The following PACSIN2 variants were observed in gnomAD, a reference collection of about 807,000 sequenced individuals.
The protein encoded by PACSIN2 is protein kinase C and casein kinase substrate in neurons 2.
A neutral mutation model predicts 63.8 loss-of-function variants in PACSIN2; 25 were observed. The ratio of observed to expected loss-of-function variants is 0.39; its 90% CI spans 0.29 to 0.55. PACSIN2 has a LOEUF of 0.55. PACSIN2 is among the 20% of genes least tolerant of loss of function. The pLI is 0.62. For missense variants in PACSIN2, 518 were observed against 646.9 expected, an observed-to-expected ratio of 0.80 and a Z score of 2.16; for synonymous variants, 255 against 256.2, an observed-to-expected ratio of 1.00 and a Z score of 0.05.
At chr22:42,945,386 G>T (rs1046262206) in intron 1 of PACSIN2, among the ~76,000 whole-genome samples, 2 of 151,982 alleles carry the variant, frequency 1.3e-5, no homozygotes, top group Non-Finnish European at 2.9e-5. Flanking sequence ...TCTCTCTTAC[G>T]TCTTCTGTGC....
At chr22:42,998,239 C>A (rs1182629885) in intron 1 of PACSIN2, among the ~76,000 whole-genome samples, 2 of 152,210 alleles carry the variant, frequency 1.3e-5, no homozygotes, top group African/African-American at 4.8e-5. Flanking sequence ...GGGGACCCAG[C>A]AAAATTCCTT....
chr22:42,994,415 C>A (rs573585809), intron 1 of PACSIN2, among the ~76,000 whole-genome samples: 2 of 152,210 alleles, frequency 1.3e-5, no homozygotes, highest in African/African-American at 4.8e-5. Flanking sequence ...CCGTGTCCTG[C>A]GCCACAAAGA....
At chr22:43,011,737 C>A (rs1418566088) in intron 1 of PACSIN2, among the ~76,000 whole-genome samples, 1 of 152,186 alleles carries the variant, frequency 6.6e-6, no homozygotes. Context: ...ACTAACCAGG[C>A]AAGGTGGCAG....
At chr22:42,876,552 C>G (rs1056099584) in intron 9 of PACSIN2, among the ~76,000 whole-genome samples, 1 of 152,248 alleles carries the variant, frequency 6.6e-6, no homozygotes, top group African/African-American at 2.4e-5. Context: ...GAGATGCCCA[C>G]AGCAGAGGCC....
intron 1 of PACSIN2, among the ~76,000 whole-genome samples, chr22:43,007,520 C>T (rs547783324): frequency 1.3e-5 from 2 of 152,308 alleles, no homozygotes; most frequent in East Asian, 3.9e-4. Flanking sequence ...CCAGCCACTC[C>T]TTGTTCTTCA....
intron 1 of PACSIN2, among the ~76,000 whole-genome samples, chr22:42,972,810 C>G (rs1393630285): frequency 6.6e-6 from 1 of 152,170 alleles, no homozygotes; most frequent in East Asian, 1.9e-4. Context: ...CATGTTCCCG[C>G]CTCAGCCTCC....
chr22:43,000,432 G>A (rs1034345220), intron 1 of PACSIN2, among the ~76,000 whole-genome samples: 1 of 152,210 alleles, frequency 6.6e-6, no homozygotes, highest in African/African-American at 2.4e-5. Flanking sequence ...CTGCTAACAT[G>A]AGGCTTTTGG....
intron 1 of PACSIN2, among the ~76,000 whole-genome samples, chr22:43,009,209 G>A (rs1010602547): frequency 3.3e-5 from 5 of 152,140 alleles, no homozygotes; most frequent in South Asian, 2.1e-4. Flanking sequence ...GTCCCAGGAC[G>A]GCCTCTGGCT....
At chr22:42,881,389 C>T (rs189046852) in intron 7 of PACSIN2, among the ~76,000 whole-genome samples, 1 of 152,326 alleles carries the variant, frequency 6.6e-6, no homozygotes, top group Non-Finnish European at 1.5e-5. Context: ...CAGCTTCCCA[C>T]AGGTGGTCAG....
intron 1 of PACSIN2, among the ~76,000 whole-genome samples, chr22:42,923,429 CTTTTT>C (rs1013837724): frequency 6.6e-6 from 1 of 151,896 alleles, no homozygotes; most frequent in African/African-American, 2.4e-5. Flanking sequence ...CCTTCTTCTT[CTTTTT>C]TTTATTTTTT....
intron 1 of PACSIN2, among the ~76,000 whole-genome samples, chr22:42,916,801 C>T (rs998617680): frequency 3.3e-5 from 5 of 152,182 alleles, no homozygotes; most frequent in Admixed American, 2.6e-4. Context: ...ATGGAGAAGG[C>T]CCAGCAGTGA....
chr22:42,967,037 T>TAA, intron 1 of PACSIN2, among the ~76,000 whole-genome samples: 1 of 152,334 alleles, frequency 6.6e-6, no homozygotes, highest in South Asian at 2.1e-4. Context: ...AACTTGTCCG[T>TAA]AAGCAGCTTC....
chr22:42,981,416 G>C (rs1344387884), intron 1 of PACSIN2, among the ~76,000 whole-genome samples: 1 of 128,200 alleles, frequency 7.8e-6, no homozygotes, highest in Non-Finnish European at 1.7e-5. Context: ...GCCTCTGCCC[G>C]GCCGCCCCTA....
Position 43,011,920 on chromosome 22 carries a change from G to T in PACSIN2, c.-78+3101C>A, listed in dbSNP as rs568857851. 1.3e-4 allele frequency among the ~76,000 whole-genome samples: 19 copies of T among 150,124 alleles called. 1 individual carries two copies. In the South Asian group the frequency reaches 3.8e-3, roughly 30 times the overall value. On this transcript the variant is annotated intron_variant, in intron 1 of 10. Coordinates refer to ENST00000263246, the MANE Select transcript of PACSIN2 (RefSeq NM_001184970.3). ...CCAGCACTTTGGGAGGCCAAGGCAG[G>T]TGGATCACAAGGTCAGGAAATCGAG...
intron 1 of PACSIN2, among the ~76,000 whole-genome samples, chr22:42,980,141 T>C (rs1185657583): frequency 1.3e-5 from 2 of 152,256 alleles, no homozygotes; most frequent in East Asian, 1.9e-4. Context: ...GTATAGAGTA[T>C]TGGGTGAAAA....
At chr22:42,960,177 T>G (rs1275933773) in intron 1 of PACSIN2, among the ~76,000 whole-genome samples, 1 of 152,206 alleles carries the variant, frequency 6.6e-6, no homozygotes, top group Non-Finnish European at 1.5e-5. Flanking sequence ...ACATGAGTCT[T>G]CTAATATCTT....
chr22:42,943,128 C>T (rs1456716223), intron 1 of PACSIN2, among the ~76,000 whole-genome samples: 2 of 152,120 alleles, frequency 1.3e-5, no homozygotes, highest in Non-Finnish European at 2.9e-5. Flanking sequence ...TAAATTTACT[C>T]CTATTTTATT....
intron 1 of PACSIN2, among the ~76,000 whole-genome samples, chr22:42,979,751 T>C (rs916619798): frequency 6.6e-6 from 1 of 152,126 alleles, no homozygotes; most frequent in Non-Finnish European, 1.5e-5. Flanking sequence ...CATTGCCTCC[T>C]CTAGGCTGGG....
chr22:42,974,260 G>A (rs923276963), intron 1 of PACSIN2, among the ~76,000 whole-genome samples: 2 of 152,182 alleles, frequency 1.3e-5, no homozygotes, highest in Non-Finnish European at 2.9e-5. Context: ...AGGGCCTGGC[G>A]CCTGAACCGT....
Sources: allele counts gnomAD v4.1 joint callset (sites outside exome capture counted in the v4.1 genomes callset), GRCh38; gene constraint gnomAD v4.1.1; transcripts MANE v1.5; gene names NCBI Gene and HGNC (gene_info 2026-07-23, HGNC 2026-07-21).